Variants in NCALD observed in about 807,000 individuals in gnomAD.
NCALD encodes the protein neurocalcin-delta.
A neutral mutation model predicts 18.6 loss-of-function variants in NCALD; 10 were observed. The ratio of observed to expected loss-of-function variants is 0.54; its 90% CI spans 0.33 to 0.91. The LOEUF is 0.91. NCALD is among the 40% of genes least tolerant of loss of function. NCALD has a pLI of 0.03. For missense variants in NCALD, 184 were observed against 247.6 expected, an observed-to-expected ratio of 0.74 and a Z score of 1.72; for synonymous variants, 88 against 87.4, an observed-to-expected ratio of 1.01 and a Z score of -0.04.
At chr8:102,048,124 T>C (rs568150465) in intron 1 of NCALD, among the ~76,000 whole-genome samples, 9 of 152,342 alleles carry the variant, frequency 5.9e-5, no homozygotes, top group African/African-American at 2.2e-4. Flanking sequence ...AATTAACTAA[T>C]TACTAAAAAT....
chr8:102,088,443 T>C (rs942312676), intron 1 of NCALD, among the ~76,000 whole-genome samples: 1 of 152,226 alleles, frequency 6.6e-6, no homozygotes, highest in Non-Finnish European at 1.5e-5. Context: ...AAGGACGTTT[T>C]TAAAGACTGC....
chr8:102,083,846 C>T (rs994615720), intron 1 of NCALD, among the ~76,000 whole-genome samples: 1 of 152,204 alleles, frequency 6.6e-6, no homozygotes, highest in Admixed American at 6.5e-5. Context: ...ATAGTCACAT[C>T]GCTATTTTGA....
Position 102,079,515 on chromosome 8 carries a change from C to T in NCALD, c.-210+44722G>A, listed in dbSNP as rs533513874. Among the ~76,000 whole-genome samples, 14 of 152,268 alleles carry T rather than the reference C, an allele frequency of 9.2e-5. No homozygotes were observed. In the South Asian group the frequency reaches 2.1e-3, roughly 23 times the overall value. On this transcript the variant is annotated intron_variant, in intron 1 of 6. Transcript: ENST00000311028. ...GGAACATGATCTCTATACATGGAAT[C>T]CACTCTTTTGGAAGGCACATGGCAG...
intron 4 of NCALD, among the ~76,000 whole-genome samples, chr8:101,801,407 A>G (rs923141718): frequency 6.6e-6 from 1 of 152,018 alleles, no homozygotes; most frequent in African/African-American, 2.4e-5. Flanking sequence ...ATTGCAAAAT[A>G]CACATTTTTT....
At chr8:101,812,816 G>A (rs1641718559) in intron 4 of NCALD, among the ~76,000 whole-genome samples, 1 of 152,122 alleles carries the variant, frequency 6.6e-6, no homozygotes, top group South Asian at 2.1e-4. Flanking sequence ...GATTCTCTGA[G>A]CCACCTCAGT....
intron 1 of NCALD, among the ~76,000 whole-genome samples, chr8:101,757,308 A>T (rs757523506): frequency 1.3e-5 from 2 of 152,216 alleles, no homozygotes; most frequent in Non-Finnish European, 2.9e-5. Context: ...GTAACTGAAC[A>T]TTCAAGGTGC....
chr8:101,819,966 T>G (rs12546541), intron 4 of NCALD, among the ~76,000 whole-genome samples: 106,278 of 151,874 alleles, frequency 0.7, 37,975 homozygotes, highest in Non-Finnish European at 0.77. Context: ...CACTCTTCCT[T>G]TCAGTGTTTT....
At chr8:101,992,503 C>A (rs1011106338) in intron 2 of NCALD, among the ~76,000 whole-genome samples, 16 of 152,146 alleles carry the variant, frequency 1.1e-4, no homozygotes, top group Non-Finnish European at 1.9e-4. Flanking sequence ...GGAAAGAGGT[C>A]AACTGTGCTG....
chr8:102,068,736 G>A (rs1359223951), intron 1 of NCALD, among the ~76,000 whole-genome samples: 1 of 152,066 alleles, frequency 6.6e-6, no homozygotes, highest in Non-Finnish European at 1.5e-5. Context: ...TAACACTTGA[G>A]GAAGAACACA....
At chr8:102,043,329 T>C (rs1416375273) in intron 1 of NCALD, among the ~76,000 whole-genome samples, 1 of 151,928 alleles carries the variant, frequency 6.6e-6, no homozygotes, top group Non-Finnish European at 1.5e-5. Context: ...TTTAGTTTTT[T>C]GTTTTGTTTT....
In NCALD at chr8:101,702,077, G is replaced by C. The variant is rs60405723; in HGVS notation, c.379-9181C>G. 1.6e-3 allele frequency among the ~76,000 whole-genome samples: 245 copies of C among 152,180 alleles called. 1 individual carries two copies. The highest frequency in any genetic ancestry group is 5.5e-3 in the African/African-American group (229 of 41,512). ...CAGAGAGAGTGTGAGAGACAAGCAG[G>C]AGCCCCACGCCTTTTCAACCGAGCA... On this transcript the variant is annotated intron_variant, in intron 2 of 3. Coordinates refer to ENST00000220931, the MANE Select transcript of NCALD (RefSeq NM_032041.3).
intron 2 of NCALD, among the ~76,000 whole-genome samples, chr8:101,954,836 A>G (rs897251909): frequency 1.3e-5 from 2 of 152,262 alleles, no homozygotes; most frequent in African/African-American, 4.8e-5. Context: ...GCATGATTCT[A>G]GAATCATAAT....
At chr8:101,912,335 A>G (rs1290309358) in intron 3 of NCALD, among the ~76,000 whole-genome samples, 1 of 152,210 alleles carries the variant, frequency 6.6e-6, no homozygotes, top group Non-Finnish European at 1.5e-5. Flanking sequence ...GAACTTTTAT[A>G]AAATGAGTTA....
At chr8:101,690,316 T>C in intron 3 of NCALD, 1 of 984,422 alleles carries the variant, frequency 1.0e-6, no homozygotes, top group Non-Finnish European at 1.2e-6. Context: ...CATGCTCGAT[T>C]GGTAAATTTG....
chr8:101,843,727 G>A (rs56008120), intron 4 of NCALD, among the ~76,000 whole-genome samples: 4,902 of 151,908 alleles, frequency 0.032, 191 homozygotes, highest in African/African-American at 0.087. Context: ...GATTACAGGC[G>A]TGTGCCACCA....
rs1005203838 is a variant in NCALD at position 101,803,264 on chromosome 8, C to A, written c.-19-83616G>T. Among the ~76,000 whole-genome samples the A allele has an allele frequency of 2.6e-5, 4 of 152,130 alleles. No individual in the cohort carries two copies. In the South Asian group the frequency reaches 8.3e-4, roughly 32 times the overall value. ...TGCTCCATAAATGGAACAACAAAGC[C>A]TGGATCACAGTACATCTGTTTACAG... On this transcript the variant is annotated intron_variant, in intron 4 of 6. Transcript: ENST00000311028.
chr8:102,068,396 CT>C (rs1351120031), intron 1 of NCALD, among the ~76,000 whole-genome samples: 17 of 152,254 alleles, frequency 1.1e-4, no homozygotes, highest in Non-Finnish European at 1.8e-4. Context: ...GGCCTCTCTC[CT>C]GTTTCTTGCG....
intron 4 of NCALD, among the ~76,000 whole-genome samples, chr8:101,829,629 A>C (rs370924297): frequency 7.3e-5 from 11 of 149,826 alleles, no homozygotes; most frequent in African/African-American, 2.7e-4. Flanking sequence ...TTGAGGAAAT[A>C]TCTTTTCTGG....
At chr8:101,980,052 A>G (rs988956795) in intron 2 of NCALD, among the ~76,000 whole-genome samples, 2 of 151,896 alleles carry the variant, frequency 1.3e-5, no homozygotes, top group Non-Finnish European at 2.9e-5. Context: ...CAAGGCCAAA[A>G]TGGGGGTGGG....
Sources: allele counts gnomAD v4.1 joint callset (sites outside exome capture counted in the v4.1 genomes callset), GRCh38; gene constraint gnomAD v4.1.1; transcripts MANE v1.5; gene names NCBI Gene and HGNC (gene_info 2026-07-23, HGNC 2026-07-21).